Variants in ZNF85 observed in about 807,000 individuals in gnomAD.
ZNF85 encodes the protein zinc finger protein 85, also known as zinc finger protein 85 (HPF4, HTF1).
Under a neutral mutation model 53.9 loss-of-function variants are expected in ZNF85, and 50 were observed. The ratio of observed to expected loss-of-function variants is 0.93; its 90% CI spans 0.74 to 1.17. ZNF85 has a LOEUF of 1.17. Among genes scored for constraint, ZNF85 ranks in the 50% most tolerant of loss-of-function variants. The pLI, the probability that ZNF85 is intolerant of heterozygous loss-of-function variation, is 0.00. For missense variants in ZNF85, 747 were observed against 688.5 expected (o/e 1.08, Z -0.95); for synonymous variants, 225 against 226.1 (o/e 1.00, Z 0.04).
chr19:20,923,307 T>A lies in ZNF85; in HGVS notation c.-94T>A. The A allele has an allele frequency of 6.3e-7, 1 of 1,595,650 alleles. No homozygotes were observed. Among genetic ancestry groups the A allele is most frequent in the Non-Finnish European group, 8.6e-7 (1 of 1,164,790 alleles). On this transcript the variant is annotated 5_prime_UTR_variant, in exon 1 of 4. Coordinates refer to ENST00000328178, the MANE Select transcript of ZNF85 (RefSeq NM_003429.5). ...GGTCTTGTTTTCCCTGCTTTGTGTTTTCTGCTCGTGGACGCCCAGCCTCTG... is the reference window on the plus strand; with the variant it reads ...GGTCTTGTTTTCCCTGCTTTGTGTTATCTGCTCGTGGACGCCCAGCCTCTG...
Position 20,949,184 on chromosome 19 carries a change from C to A in ZNF85, c.670C>A (p.His224Asn), listed in dbSNP as rs1410706601. The stretch of plus-strand genomic sequence containing the variant: ...AACCCTTACTAAACATAAGAGAATT[C>A]ATACGGGAGAGAAACCTTACAAATG... Reference protein sequence around the residue: ...SSTLTKHKRIHTGEKPYKCEE... With the variant: ...SSTLTKHKRINTGEKPYKCEE... The change falls in exon 4 of 4, where the codon CAT (histidine) becomes AAT (asparagine). Residue 224 changes from histidine (H) to asparagine (N), a missense_variant. Physicochemically the swap from His to Asn is moderately conservative, Grantham distance 68 (BLOSUM62 1). Coordinates refer to ENST00000328178, the MANE Select transcript of ZNF85 (RefSeq NM_003429.5). The A allele has an allele frequency of 6.2e-7, 1 of 1,613,342 alleles. No individual in the cohort carries two copies. The highest frequency in any genetic ancestry group is 8.5e-7 in the Non-Finnish European group (1 of 1,179,758).
At chr19:20,929,160 G>A (rs1483488752) in intron 1 of ZNF85, among the ~76,000 whole-genome samples, 1 of 150,424 alleles carries the variant, frequency 6.6e-6, no homozygotes, top group Non-Finnish European at 1.5e-5. Context: ...TACAGTGACA[G>A]GATTCACTAG....
intron 3 of ZNF85, chr19:20,945,794 A>G (rs901236463): frequency 6.6e-6 from 1 of 152,214 alleles, no homozygotes; most frequent in African/African-American, 2.4e-5. Flanking sequence ...CTATTCCAGT[A>G]ATTTTATATT....
intron 1 of ZNF85, among the ~76,000 whole-genome samples, chr19:20,929,214 C>T (rs1169736479): frequency 3.3e-5 from 5 of 150,334 alleles, no homozygotes; most frequent in Admixed American, 1.3e-4. Flanking sequence ...TTTGAGACAC[C>T]GTCTTGCTCT....
chr19:20,928,576 C>T (rs1299879348), intron 1 of ZNF85: 1 of 152,366 alleles, frequency 6.6e-6, no homozygotes. Context: ...GTCCACATCC[C>T]TCTCAAGACT....
chr19:20,950,283 G>A lies in ZNF85; in HGVS notation c.1769G>A (p.Gly590Glu). 1 of 1,525,278 alleles carries A rather than the reference G, an allele frequency of 6.6e-7. No homozygotes were observed. Among genetic ancestry groups the A allele is most frequent in the South Asian group, 1.3e-5 (1 of 74,088 alleles). 94.5% of individuals were successfully genotyped at this position (1,525,278 alleles called of 1,614,324 possible). The stretch of plus-strand genomic sequence containing the variant: ...ACTAAACATAAGATAATTCATACCG[G>A]AGAAAAATTACAAATATGAAAATTA... ...VLTKHKIIHT[G>E]EKLQI is the part of the protein sequence containing the mutation. Residue 590 changes from glycine to glutamate, a missense_variant, in exon 4 of 4, where the codon GGA becomes GAA. Physicochemically the swap from Gly to Glu is moderately conservative, Grantham distance 98. Coordinates refer to ENST00000328178, the MANE Select transcript of ZNF85 (RefSeq NM_003429.5).
At chr19:20,935,205 G>C (rs1027264592) in intron 3 of ZNF85, among the ~76,000 whole-genome samples, 158 bp downstream of exon 3, 1 of 152,244 alleles carries the variant, frequency 6.6e-6, no homozygotes, top group Non-Finnish European at 1.5e-5. Flanking sequence ...GCTCTCACAT[G>C]GGGGCATCTT....
At chr19:20,944,656 C>T (rs77744285) in intron 3 of ZNF85, among the ~76,000 whole-genome samples, 64 of 150,876 alleles carry the variant, frequency 4.2e-4, no homozygotes, top group Non-Finnish European at 8.3e-4. Context: ...GATTTTTTTT[C>T]ATGAATATAT....
At chr19:20,932,770 G>A (rs539967513) in intron 1 of ZNF85, among the ~76,000 whole-genome samples, 1 of 152,240 alleles carries the variant, frequency 6.6e-6, no homozygotes, top group Non-Finnish European at 1.5e-5. Context: ...TATAGACAGG[G>A]AAGATATCTG....
rs1314157223 is a variant in ZNF85, at chr19:20,949,893, G to A, written c.1379G>A (p.Gly460Asp). 6.2e-7 allele frequency: 1 copy of A among 1,612,560 alleles called. No individual in the cohort carries two copies. The highest frequency in any genetic ancestry group is 1.1e-5 in the South Asian group (1 of 90,876). Residue 460 changes from glycine to aspartate, a missense_variant, in exon 4 of 4, where the codon GGC (glycine) becomes GAC (aspartate). Transcript: ENST00000328178. ...GEKPYECEKC[G>D]KAFNQSSNLT... is the part of the protein sequence containing the mutation. ...AAACCCTATGAATGTGAAAAATGTG[G>A]CAAAGCTTTTAACCAGTCCTCAAAT...
At chr19:20,944,762 A>G (rs979960453) in intron 3 of ZNF85, among the ~76,000 whole-genome samples, 3 of 151,950 alleles carry the variant, frequency 2.0e-5, no homozygotes, top group African/African-American at 4.8e-5. Flanking sequence ...AGGGTATTCC[A>G]GCTCACATTA....
At chr19:20,924,429 G>T (rs1972833117) in intron 1 of ZNF85, among the ~76,000 whole-genome samples, 1 of 152,050 alleles carries the variant, frequency 6.6e-6, no homozygotes, top group Non-Finnish European at 1.5e-5. Flanking sequence ...TAAAAAGGAG[G>T]ACCCCAGGGA....
chr19:20,939,773 C>A (rs1973248882), intron 3 of ZNF85, among the ~76,000 whole-genome samples: 1 of 152,132 alleles, frequency 6.6e-6, no homozygotes, highest in South Asian at 2.1e-4. Context: ...TCTCAGCTCA[C>A]CGCAACCTCT....
At chr19:20,946,590 A>ACACACACACC (rs1186970718) in intron 3 of ZNF85, among the ~76,000 whole-genome samples, 10 of 151,596 alleles carry the variant, frequency 6.6e-5, no homozygotes, top group African/African-American at 2.4e-4. Context: ...ACACACACAC[A>ACACACACACC]CACCCCACAA....
rs1973500724 is a variant in ZNF85, at chr19:20,949,203, A to C, written c.689A>C (p.Tyr230Ser). The C allele has an allele frequency of 6.2e-7, 1 of 1,613,352 alleles. No homozygotes were observed. Among genetic ancestry groups the C allele is most frequent in the Non-Finnish European group, 8.5e-7 (1 of 1,179,746 alleles). ...AGAATTCATACGGGAGAGAAACCTT[A>C]CAAATGTGAAGAATGTGGTAAAGCC... ...HKRIHTGEKP[Y>S]KCEECGKAFN... The change falls in exon 4 of 4, where the codon TAC (tyrosine) becomes TCC (serine). Residue 230 changes from tyrosine to serine, a missense_variant. Coordinates refer to ENST00000328178, the MANE Select transcript of ZNF85 (RefSeq NM_003429.5).
chr19:20,929,193 T>C (rs1972950491), intron 1 of ZNF85, among the ~76,000 whole-genome samples: 1 of 151,690 alleles, frequency 6.6e-6, no homozygotes, highest in Non-Finnish European at 1.5e-5. Context: ...CTCTTCTTTT[T>C]TTTTTTTTTG....
intron 1 of ZNF85, among the ~76,000 whole-genome samples, chr19:20,929,165 C>T (rs1972949410): frequency 6.7e-6 from 1 of 149,530 alleles, no homozygotes; most frequent in Non-Finnish European, 1.5e-5. Flanking sequence ...TGACAGGATT[C>T]ACTAGACAAA....
intron 1 of ZNF85, among the ~76,000 whole-genome samples, chr19:20,933,754 G>A (rs767523206): frequency 2.6e-4 from 40 of 151,846 alleles, no homozygotes; most frequent in Non-Finnish European, 4.9e-4. Flanking sequence ...ATCCAGAAAA[G>A]TATCATGTAT....
At chr19:20,937,940 AT>A (rs1296334312) in intron 3 of ZNF85, among the ~76,000 whole-genome samples, 2 of 152,184 alleles carry the variant, frequency 1.3e-5, no homozygotes, top group Non-Finnish European at 2.9e-5. Flanking sequence ...TGCCACCTGA[AT>A]GAGGGCCTGC....
Sources: allele counts gnomAD v4.1 joint callset (sites outside exome capture counted in the v4.1 genomes callset), GRCh38; gene constraint gnomAD v4.1.1; transcripts MANE v1.5; gene names NCBI Gene and HGNC (gene_info 2026-07-23, HGNC 2026-07-21).